Variants in NBAS observed in about 807,000 individuals in gnomAD.
NBAS encodes NBAS subunit of NRZ tethering complex.
A neutral mutation model predicts 302.5 loss-of-function variants in NBAS; 219 were observed. The ratio of observed to expected loss-of-function variants is 0.72; its 90% confidence interval spans 0.65 to 0.81. The LOEUF (loss-of-function observed/expected upper bound fraction) is 0.81, where lower values mean the gene tolerates loss of function less well. Among genes scored for constraint, NBAS ranks in the 30% least tolerant of loss-of-function variants. The probability of loss-of-function intolerance (pLI) is 0.00; values close to 1 mark genes in which losing one functional copy is unlikely to be tolerated. For missense variants in NBAS, 2,932 were observed against 2,841.6 expected (o/e 1.03, Z -0.72); for synonymous variants, 1,118 against 1,021.6 (o/e 1.09, Z -1.80).
the NBAS span, among the ~76,000 whole-genome samples, chr2:15,064,344 C>T: frequency 6.8e-6 from 1 of 146,350 alleles, no homozygotes; most frequent in African/African-American, 2.6e-5. Context: ...GACATTACAA[C>T]TAATACAACT....
At chr2:14,784,564 T>C in the NBAS span, among the ~76,000 whole-genome samples, 4 of 152,236 alleles carry the variant, frequency 2.6e-5, no homozygotes, top group South Asian at 2.1e-4. Context: ...GCACCATTTA[T>C]TAAATAGGGA....
At chr2:14,791,803 CATAA>C in the NBAS span, among the ~76,000 whole-genome samples, 271 of 139,242 alleles carry the variant, frequency 1.9e-3, 2 homozygotes, top group Middle Eastern at 3.6e-3. Flanking sequence ...GACTCCATCT[CATAA>C]ATAAATAAAT....
At chr2:15,229,064 G>A (rs1008581326) in intron 47 of NBAS, among the ~76,000 whole-genome samples, 1 of 152,056 alleles carries the variant, frequency 6.6e-6, no homozygotes, top group South Asian at 2.1e-4. Flanking sequence ...ATTACAGGTT[G>A]GGCGTTGTGG....
chr2:15,349,315 C>T (rs970207510), intron 35 of NBAS, among the ~76,000 whole-genome samples: 1 of 152,170 alleles, frequency 6.6e-6, no homozygotes, highest in African/African-American at 2.4e-5. Flanking sequence ...TTTAGTGACC[C>T]ATTAGCTAGT....
At chr2:14,787,942 G>GCA in the NBAS span, among the ~76,000 whole-genome samples, 3 of 152,034 alleles carry the variant, frequency 2.0e-5, no homozygotes, top group African/African-American at 7.2e-5. Context: ...CATTCTCCCT[G>GCA]TCACTTTCAG....
At chr2:14,846,440 G>GAAA in the NBAS span, among the ~76,000 whole-genome samples, 13 of 101,772 alleles carry the variant, frequency 1.3e-4, no homozygotes, top group Middle Eastern at 6.3e-3. Flanking sequence ...ACTTCAATTA[G>GAAA]AAAAAAAAAA....
At chr2:15,222,096 C>T (rs1205286969) in intron 47 of NBAS, among the ~76,000 whole-genome samples, 1 of 152,142 alleles carries the variant, frequency 6.6e-6, no homozygotes, top group Non-Finnish European at 1.5e-5. Flanking sequence ...AAATGCAAGG[C>T]ATGTAATACA....
At chr2:14,907,204 T>C in the NBAS span, among the ~76,000 whole-genome samples, 106 of 152,340 alleles carry the variant, frequency 7.0e-4, no homozygotes, top group African/African-American at 2.5e-3. Flanking sequence ...GCCAGCCTCC[T>C]GCAATTGCAG....
At chr2:15,529,077 C>G (rs1663092803) in intron 9 of NBAS, among the ~76,000 whole-genome samples, 1 of 151,912 alleles carries the variant, frequency 6.6e-6, no homozygotes, top group African/African-American at 2.4e-5. Flanking sequence ...ATAGAATGGA[C>G]TTTCCACCTC....
chr2:14,895,752 AG>A, the NBAS span, among the ~76,000 whole-genome samples: 1 of 151,600 alleles, frequency 6.6e-6, no homozygotes, highest in Admixed American at 6.6e-5. Flanking sequence ...AAAAAAAAAA[AG>A]CTTCTGCAAA....
chr2:14,821,023 G>A, the NBAS span, among the ~76,000 whole-genome samples: 8 of 151,756 alleles, frequency 5.3e-5, no homozygotes, highest in Non-Finnish European at 1.2e-4. Context: ...TCCGCCTCCC[G>A]GATTCACACC....
chr2:14,990,258 CA>C, the NBAS span, among the ~76,000 whole-genome samples: 6,414 of 59,866 alleles, frequency 0.11, 370 homozygotes, highest in East Asian at 0.21. Context: ...ACTAAAACTC[CA>C]AAAAAAAAAA....
the NBAS span, among the ~76,000 whole-genome samples, chr2:15,090,948 G>A: frequency 1.3e-5 from 2 of 152,082 alleles, no homozygotes; most frequent in African/African-American, 2.4e-5. Flanking sequence ...CCTGAACGCC[G>A]AAAAGATTAC....
chr2:14,921,423 C>G, the NBAS span, among the ~76,000 whole-genome samples: 2 of 152,160 alleles, frequency 1.3e-5, no homozygotes. Context: ...TGAGCACATG[C>G]TGATGGAAAA....
chr2:14,891,990 A>G, the NBAS span, among the ~76,000 whole-genome samples: 9 of 152,164 alleles, frequency 5.9e-5, no homozygotes, highest in Non-Finnish European at 1.3e-4. Context: ...CCATCATCTC[A>G]TTAAACCTCA....
At chr2:15,109,203 C>G in the NBAS span, among the ~76,000 whole-genome samples, 1 of 152,128 alleles carries the variant, frequency 6.6e-6, no homozygotes, top group Non-Finnish European at 1.5e-5. Context: ...TCTTTGGTGC[C>G]TGTCAATAAG....
the NBAS span, among the ~76,000 whole-genome samples, chr2:15,020,533 G>T: frequency 6.6e-6 from 1 of 152,188 alleles, no homozygotes; most frequent in Middle Eastern, 3.2e-3. Flanking sequence ...CAAAGGAAGA[G>T]CAAAGGCTGT....
Position 15,292,573 on chromosome 2 carries a change from T to A in NBAS, c.4991A>T (p.Asp1664Val), listed in dbSNP as rs1670354404. ...GVDVQRFTAD[D>V]QYKRETILGL... ...AAGGATAGTTTCCCTTTTATACTGG[T>A]CATCTGCAGTAAACCGCTGCACGTC... The change falls in exon 41 of 52, where the codon GAC becomes GTC. Residue 1664 changes from aspartate to valine, a missense_variant. Asp to Val is a radical substitution (Grantham distance 152). Coordinates refer to ENST00000281513, the MANE Select transcript of NBAS (RefSeq NM_015909.4). 1 of 1,614,044 alleles carries A rather than the reference T, an allele frequency of 6.2e-7. No homozygotes were observed. The highest frequency in any genetic ancestry group is 1.3e-5 in the African/African-American group (1 of 74,908).
At chr2:15,548,967 T>C (rs1378828776) in intron 6 of NBAS, among the ~76,000 whole-genome samples, 1 of 152,104 alleles carries the variant, frequency 6.6e-6, no homozygotes, top group East Asian at 1.9e-4. Flanking sequence ...GAAAAGTCTT[T>C]TATCGTAAAT....
Sources: gnomAD v4.1 joint callset for allele counts (sites outside exome capture counted in the v4.1 genomes callset) on GRCh38, gnomAD v4.1.1 for gene constraint, MANE v1.5 for transcripts, NCBI Gene and HGNC (gene_info 2026-07-23, HGNC 2026-07-21) for gene names.